Variants in SH3BP1 observed in about 807,000 individuals in gnomAD.
SH3BP1 encodes SH3 domain-binding protein 1.
SH3BP1 carries 46 observed loss-of-function variants against 69.8 expected under a neutral mutation model. The observed-to-expected ratio is 0.66, with a 90% CI of 0.52 to 0.84. SH3BP1 has a LOEUF of 0.84. SH3BP1 is among the 40% of genes least tolerant of loss of function. The pLI, the probability that SH3BP1 is intolerant of heterozygous loss-of-function variation, is 0.00. For missense variants in SH3BP1, 868 were observed against 930.9 expected (o/e 0.93, Z 0.88); for synonymous variants, 403 against 378.0 (o/e 1.07, Z -0.77).
At chr22:37,652,042 G>C (rs569039720) in intron 16 of SH3BP1, among the ~76,000 whole-genome samples, 1 of 152,228 alleles carries the variant, frequency 6.6e-6, no homozygotes, top group South Asian at 2.1e-4. Flanking sequence ...TAAAGATCAC[G>C]TGGCCCGGCA....
intron 8 of SH3BP1, 71 bp downstream of exon 8, chr22:37,644,776 C>G: frequency 6.2e-7 from 1 of 1,604,356 alleles, no homozygotes; most frequent in South Asian, 1.1e-5. Flanking sequence ...GCCACTGGGG[C>G]TCTAAGATGG....
chr22:37,655,760 C>T lies in SH3BP1; in HGVS notation c.*76C>T. 2 of 1,445,326 alleles carry T rather than the reference C, an allele frequency of 1.4e-6. No individual in the cohort carries two copies. The highest frequency in any genetic ancestry group is 1.8e-6 in the Non-Finnish European group (2 of 1,103,084). 89.5% of individuals were successfully genotyped at this position (1,445,326 alleles called of 1,614,324 possible). A position where few individuals can be genotyped will look rare whatever the true frequency, so the allele number is the denominator to read the frequency against. On this transcript the variant is annotated 3_prime_UTR_variant, in exon 18 of 18. Coordinates refer to ENST00000649765, the MANE Select transcript of SH3BP1 (RefSeq NM_018957.6). ...GGCCCTCCCAGGACAGCTCTCGCCC[C>T]CCACAAAGGGGCATGGGCCTCCAGC...
At chr22:37,651,414 C>T (rs897520719) in intron 16 of SH3BP1, among the ~76,000 whole-genome samples, 4 of 151,378 alleles carry the variant, frequency 2.6e-5, no homozygotes, top group Non-Finnish European at 5.9e-5. Context: ...GGCTCACTTG[C>T]AGCCTCCCGG....
Position 37,648,561 on chromosome 22 carries a change from T to C in SH3BP1, c.1316+126T>C. 3 of 686,042 alleles carry C rather than the reference T, an allele frequency of 4.4e-6. 1 individual carries two copies. In the Admixed American group the frequency reaches 6.4e-5, roughly 15 times the overall value. The allele number at this position is 686,042 out of a possible 1,614,324, so 42.5% of individuals were successfully genotyped here. On this transcript the variant is annotated intron_variant, in intron 14 of 17. Transcript: ENST00000649765. Reference sequence around the variant, plus strand: ...GGAGTGGGTTGAGCAGCTCCTGTTTTTGAGGCTGCCGTGAGGAACAGGCCA... The same window carrying C: ...GGAGTGGGTTGAGCAGCTCCTGTTTCTGAGGCTGCCGTGAGGAACAGGCCA...
rs746828473 is a variant in SH3BP1, at chr22:37,641,495, G to C, written c.207+17G>C. 1 of 1,537,768 alleles carries C rather than the reference G, an allele frequency of 6.5e-7. No individual in the cohort carries two copies. The highest frequency in any genetic ancestry group is 1.4e-5 in the African/African-American group (1 of 72,892). On this transcript the variant is annotated intron_variant, in intron 3 of 17. Transcript: ENST00000649765. ...AAGCGGGTGGTGAGTGGGGGGTCCCGGGAAGGAGGGGCCTGAGCAGGAGAC... is the reference window on the plus strand; with the variant it reads ...AAGCGGGTGGTGAGTGGGGGGTCCCCGGAAGGAGGGGCCTGAGCAGGAGAC...
chr22:37,644,847 A>G (rs1932754262), intron 8 of SH3BP1, 23 bp from the exon 9 acceptor site: 1 of 1,613,354 alleles, frequency 6.2e-7, no homozygotes. Flanking sequence ...ACTTCCGCTC[A>G]GGGTGTCCCT....
At position 37,642,983 on chromosome 22, in the gene SH3BP1, C is replaced by T. The variant is rs1569005624; in HGVS notation, c.373C>T (p.Gln125Ter). Reference sequence around the variant, plus strand: ...GATGACCCTGGAGAGGGACGTCCTGCAGCCACTCAGCAGGCTGAGTGAGGT... The same window carrying T: ...GATGACCCTGGAGAGGGACGTCCTGTAGCCACTCAGCAGGCTGAGTGAGGT... ...FEMTLERDVL[Q>*]PLSRLSEEEL... is the part of the protein sequence containing the mutation. The change falls in exon 5 of 18, where the codon CAG (glutamine) becomes TAG (stop). Residue 125 changes from glutamine to a stop codon, truncating the protein, a stop_gained. Coordinates refer to ENST00000649765, the MANE Select transcript of SH3BP1 (RefSeq NM_018957.6). LOFTEE classifies it high-confidence loss of function. 6.2e-7 allele frequency: 1 copy of T among 1,612,912 alleles called. No homozygotes were observed. The highest frequency in any genetic ancestry group is 8.5e-7 in the Non-Finnish European group (1 of 1,179,880).
At chr22:37,640,907 G>A in intron 1 of SH3BP1, 1 of 589,068 alleles carries the variant, frequency 1.7e-6, no homozygotes, top group East Asian at 2.9e-5. Context: ...ACAGCCCTGG[G>A]TGGAGGAGGA....
intron 1 of SH3BP1, 28 bp from the exon 2 acceptor site, chr22:37,641,098 T>TCCCCC (rs751968178): frequency 8.1e-5 from 77 of 948,026 alleles, no homozygotes; most frequent in Middle Eastern, 3.2e-4. Flanking sequence ...AGAAGCACTC[T>TCCCCC]CCCCCCCCCC....
At chr22:37,650,349 T>G in intron 15 of SH3BP1, 100 bp downstream of exon 15, 1 of 1,504,550 alleles carries the variant, frequency 6.6e-7, no homozygotes, top group Non-Finnish European at 8.9e-7. Flanking sequence ...CAGGAGGAAG[T>G]CTGAGCCTCA....
At chr22:37,642,850 G>T (rs1932651819) in intron 4 of SH3BP1, 45 bp from the exon 5 acceptor site, 2 of 1,600,586 alleles carry the variant, frequency 1.2e-6, no homozygotes, top group Admixed American at 3.3e-5. Context: ...TCCAGTGGAG[G>T]TGAGGGCAGC....
intron 3 of SH3BP1, chr22:37,642,179 A>G: frequency 3.4e-6 from 1 of 293,940 alleles, no homozygotes; most frequent in South Asian, 4.1e-5. Context: ...TCAGCCATAT[A>G]TACCCTGGGA....
Position 37,646,884 on chromosome 22 carries a change from C to G in SH3BP1, c.991C>G (p.Pro331Ala), listed in dbSNP as rs373775839. The G allele has an allele frequency of 2.6e-6, 4 of 1,563,768 alleles. No individual in the cohort carries two copies. Among genetic ancestry groups the G allele is most frequent in the Non-Finnish European group, 3.5e-6 (4 of 1,157,184 alleles). The change falls in exon 11 of 18, where the codon CCC becomes GCC. Residue 331 changes from proline to alanine, a missense_variant. Physicochemically the swap from Pro to Ala is conservative, Grantham distance 27. Around this residue, in one of 3 missense-constraint regions of SH3BP1, gnomAD observed 387 missense variants for 447.9 expected, o/e 0.86. Coordinates refer to ENST00000649765, the MANE Select transcript of SH3BP1 (RefSeq NM_018957.6). ...TCTCAAGCAGACAATGGCCTCGGAC[C>G]CCCACAGCCTGGAGGAGTTCTGCTC... ...KRLKQTMASD[P>A]HSLEEFCSDP...
chr22:37,655,718 C>T lies in SH3BP1; in HGVS notation c.*34C>T. On this transcript the variant is annotated 3_prime_UTR_variant, in exon 18 of 18. Coordinates refer to ENST00000649765, the MANE Select transcript of SH3BP1 (RefSeq NM_018957.6). ...TTTCTCCCTAAGCAGCCCTCAGCAC[C>T]CCCTCCCTCCCCACCTGGCCCTCCC... is the stretch of plus-strand genomic sequence containing the variant. 6.9e-7 allele frequency: 1 copy of T among 1,450,896 alleles called. No individual in the cohort carries two copies. 89.9% of individuals were successfully genotyped at this position (1,450,896 alleles called of 1,614,324 possible). A position where few individuals can be genotyped will look rare whatever the true frequency, so the allele number is the denominator to read the frequency against.
In SH3BP1 at chr22:37,646,899, G is replaced by A. The variant is rs1361758985; in HGVS notation, c.1006G>A (p.Glu336Lys). ...TMASDPHSLE[E>K]FCSDPHAVAG... Reference sequence around the variant, plus strand: ...GGCCTCGGACCCCCACAGCCTGGAGGAGTTCTGCTCCGACCCGCACGCTGT... The same window carrying A: ...GGCCTCGGACCCCCACAGCCTGGAGAAGTTCTGCTCCGACCCGCACGCTGT... The change falls in exon 11 of 18, where the codon GAG (glutamate) becomes AAG (lysine). Residue 336 changes from glutamate (E) to lysine (K), a missense_variant. By Grantham distance (56) the Glu-to-Lys change is moderately conservative (BLOSUM62 1). Around this residue, in one of 3 missense-constraint regions of SH3BP1, gnomAD observed 387 missense variants for 447.9 expected, o/e 0.86. Coordinates refer to ENST00000649765, the MANE Select transcript of SH3BP1 (RefSeq NM_018957.6). 1.4e-5 allele frequency: 22 copies of A among 1,562,244 alleles called. No individual in the cohort carries two copies. In the East Asian group the frequency reaches 4.6e-4, roughly 33 times the overall value.
At chr22:37,647,140 C>A in intron 11 of SH3BP1, 127 bp from the exon 12 acceptor site, 1 of 891,468 alleles carries the variant, frequency 1.1e-6, no homozygotes, top group Non-Finnish European at 1.8e-6. Flanking sequence ...CTCAAAAGGG[C>A]CTACAGCCCA....
intron 16 of SH3BP1, among the ~76,000 whole-genome samples, chr22:37,652,776 G>C (rs527444021): frequency 6.9e-6 from 1 of 145,464 alleles, no homozygotes; most frequent in African/African-American, 2.6e-5. Context: ...AGTGAGCCAA[G>C]ATCGTGCCAT....
chr22:37,647,005 C>A, intron 11 of SH3BP1, 76 bp downstream of exon 11: 1 of 1,007,452 alleles, frequency 9.9e-7, no homozygotes, highest in Non-Finnish European at 1.4e-6. Flanking sequence ...CCCAAGATAG[C>A]CTGGCTTTAA....
chr22:37,646,259 G>C (rs924732587), intron 10 of SH3BP1, among the ~76,000 whole-genome samples: 1 of 142,626 alleles, frequency 7.0e-6, no homozygotes, highest in Admixed American at 7.2e-5. Flanking sequence ...CACTGCGCCC[G>C]ACCCTTTTTT....
Sources: gnomAD v4.1 joint callset for allele counts (sites outside exome capture counted in the v4.1 genomes callset) on GRCh38, gnomAD v4.1.1 for gene constraint, gnomAD v4.1.1 regional missense constraint, MANE v1.5 for transcripts, NCBI Gene and HGNC (gene_info 2026-07-23, HGNC 2026-07-21) for gene names.